Variants in NALF1 observed in about 807,000 individuals in gnomAD.
NALF1 encodes family with sequence similarity 155 member A.
In NALF1, 3 loss-of-function variants were observed where a neutral mutation model predicts 48.4. That is an observed-to-expected ratio of 0.06 (90% confidence interval 0.03 to 0.16). The LOEUF (loss-of-function observed/expected upper bound fraction) is 0.16, where lower values mean the gene tolerates loss of function less well. Ranked by LOEUF, NALF1 falls within the 10% of genes least tolerant of loss-of-function variation. NALF1 has a pLI of 1.00. For synonymous variants in NALF1, 262 were observed against 245.7 expected (o/e 1.07, Z -0.62); for missense variants, 526 against 571.5 (o/e 0.92, Z 0.81).
intron 1 of NALF1, among the ~76,000 whole-genome samples, chr13:107,845,572 G>A (rs1194483512): frequency 6.6e-6 from 1 of 152,100 alleles, no homozygotes; most frequent in African/African-American, 2.4e-5. Flanking sequence ...TCAATACAAA[G>A]CATTCTATCT....
intron 1 of NALF1, among the ~76,000 whole-genome samples, chr13:107,711,633 G>A (rs920635355): frequency 2.0e-5 from 3 of 152,220 alleles, no homozygotes; most frequent in Non-Finnish European, 4.4e-5. Flanking sequence ...AAGCACCCAA[G>A]AAAAGCACCT....
intron 1 of NALF1, among the ~76,000 whole-genome samples, chr13:107,681,051 T>C (rs1304853988): frequency 1.3e-5 from 2 of 152,090 alleles, no homozygotes; most frequent in African/African-American, 4.8e-5. Flanking sequence ...GCTGAGTGAA[T>C]GAAGGCTTGT....
chr13:107,458,784 C>T (rs1162302451), intron 1 of NALF1, among the ~76,000 whole-genome samples: 3 of 152,206 alleles, frequency 2.0e-5, no homozygotes, highest in African/African-American at 7.2e-5. Context: ...TGGCGTATGA[C>T]AAAAGTGGTA....
intron 1 of NALF1, among the ~76,000 whole-genome samples, chr13:107,542,331 G>A (rs1318235950): frequency 6.6e-6 from 1 of 152,018 alleles, no homozygotes; most frequent in East Asian, 1.9e-4. Context: ...TGGTGGGGGA[G>A]GGGGGCAATG....
intron 1 of NALF1, among the ~76,000 whole-genome samples, chr13:107,536,025 T>C (rs1466160959): frequency 5.9e-5 from 9 of 152,310 alleles, no homozygotes; most frequent in Non-Finnish European, 1.2e-4. Flanking sequence ...GCTAGCCATA[T>C]GTAGAAAGCT....
intron 1 of NALF1, among the ~76,000 whole-genome samples, chr13:107,589,350 G>C (rs1878543009): frequency 6.6e-6 from 1 of 151,970 alleles, no homozygotes. Flanking sequence ...AATTTTGGTA[G>C]CTTTTTACCA....
At chr13:107,400,027 A>AGC (rs1434079709) in intron 1 of NALF1, among the ~76,000 whole-genome samples, 1 of 152,152 alleles carries the variant, frequency 6.6e-6, no homozygotes, top group Non-Finnish European at 1.5e-5. Context: ...CAATAGAACT[A>AGC]AAATTTTTCT....
intron 1 of NALF1, among the ~76,000 whole-genome samples, chr13:107,595,020 A>T (rs181201778): frequency 4.9e-4 from 74 of 152,242 alleles, no homozygotes; most frequent in Non-Finnish European, 9.0e-4. Context: ...TAAATATCCC[A>T]ATAATTAATT....
chr13:107,446,405 T>TCTCACACACACA (rs1884651193), intron 1 of NALF1, among the ~76,000 whole-genome samples: 1 of 145,990 alleles, frequency 6.8e-6, no homozygotes, highest in Non-Finnish European at 1.5e-5. Context: ...ATAATTAAAT[T>TCTCACACACACA]CACACACACA....
intron 1 of NALF1, among the ~76,000 whole-genome samples, chr13:107,567,934 G>T (rs1473732451): frequency 2.0e-5 from 3 of 149,904 alleles, no homozygotes; most frequent in Non-Finnish European, 4.4e-5. Context: ...AGTGATCCAA[G>T]TTGTTATTTT....
At chr13:107,190,060 G>C (rs1879250845) in intron 2 of NALF1, among the ~76,000 whole-genome samples, 1 of 152,106 alleles carries the variant, frequency 6.6e-6, no homozygotes, top group South Asian at 2.1e-4. Flanking sequence ...CTGTGAAATG[G>C]CACTGAGGGG....
In NALF1 at chr13:107,175,041, G is replaced by A. The variant is rs1229792170; in HGVS notation, c.1088-4255C>T. Among the ~76,000 whole-genome samples the A allele has an allele frequency of 6.1e-5, 5 of 82,506 alleles. No homozygotes were observed. In the East Asian group the frequency reaches 9.0e-4, roughly 15 times the overall value. The allele number at this position is 82,506 out of a possible 152,430, so 54.1% of individuals were successfully genotyped here. Reference sequence around the variant, plus strand: ...TGGGACTACAGGCGCCCGCCACGACGCCCGGCTAACTTTTTTTTTTTGTAT... The same window carrying A: ...TGGGACTACAGGCGCCCGCCACGACACCCGGCTAACTTTTTTTTTTTGTAT... On this transcript the variant is annotated intron_variant, in intron 2 of 2. Transcript: ENST00000375915.
chr13:107,464,451 C>A (rs528292608), intron 1 of NALF1, among the ~76,000 whole-genome samples: 1 of 152,010 alleles, frequency 6.6e-6, no homozygotes, highest in Non-Finnish European at 1.5e-5. Flanking sequence ...AATTACTGTA[C>A]GACTTTTATA....
At chr13:107,213,704 T>C (rs1879815375) in intron 1 of NALF1, among the ~76,000 whole-genome samples, 1 of 152,218 alleles carries the variant, frequency 6.6e-6, no homozygotes, top group South Asian at 2.1e-4. Context: ...GCTAAAAATA[T>C]TTCAGAATAA....
chr13:107,611,997 GGAGAGAGACAGGGAAAGA>G (rs1274417099), intron 1 of NALF1, among the ~76,000 whole-genome samples: 3 of 140,690 alleles, frequency 2.1e-5, no homozygotes, highest in African/African-American at 8.0e-5. Context: ...GGAGAGGAGA[GGAGAGAGACAGGGAAAGA>G]GAGAGAGAAA....
intron 1 of NALF1, among the ~76,000 whole-genome samples, chr13:107,529,992 A>C (rs541530645): frequency 5.9e-5 from 9 of 152,204 alleles, no homozygotes; most frequent in African/African-American, 1.9e-4. Context: ...GATGACTGTT[A>C]ATACCCAAGA....
At chr13:107,833,577 T>C (rs1879805146) in intron 1 of NALF1, among the ~76,000 whole-genome samples, 2 of 152,214 alleles carry the variant, frequency 1.3e-5, no homozygotes, top group Admixed American at 1.3e-4. Context: ...TTACTCATGT[T>C]CAATGATCAT....
intron 1 of NALF1, among the ~76,000 whole-genome samples, chr13:107,540,478 T>C: frequency 6.6e-6 from 1 of 152,114 alleles, no homozygotes; most frequent in East Asian, 1.9e-4. Flanking sequence ...GCATTCTTGA[T>C]TTCCTAAAGT....
chr13:107,386,298 T>A (rs1883530046), intron 1 of NALF1, among the ~76,000 whole-genome samples: 1 of 152,174 alleles, frequency 6.6e-6, no homozygotes, highest in Admixed American at 6.5e-5. Flanking sequence ...CCCCACCCCC[T>A]CTTGGTTGAC....
Sources: gnomAD v4.1 joint callset for allele counts (sites outside exome capture counted in the v4.1 genomes callset) on GRCh38, gnomAD v4.1.1 for gene constraint, MANE v1.5 for transcripts, NCBI Gene and HGNC (gene_info 2026-07-23, HGNC 2026-07-21) for gene names.